The following SLC12A6 variants were observed in gnomAD, a reference collection of about 807,000 sequenced individuals.
SLC12A6 encodes the protein solute carrier family 12 member 6.
SLC12A6 carries 66 observed loss-of-function variants against 135.3 expected under a neutral mutation model. That is an observed-to-expected ratio of 0.49 (90% CI 0.40 to 0.60). SLC12A6 has a LOEUF of 0.60. SLC12A6 is among the 20% of genes least tolerant of loss of function. The pLI, the probability that SLC12A6 is intolerant of heterozygous loss-of-function variation, is 0.00. For missense variants in SLC12A6, 1,058 were observed against 1,452.3 expected (o/e 0.73, Z 4.41); for synonymous variants, 513 against 508.8 (o/e 1.01, Z -0.11).
In SLC12A6 at chr15:34,310,571, ATGTG is replaced by A. The variant is rs1244462361; in HGVS notation, c.271+25835_271+25838del. Among the ~76,000 whole-genome samples, 16 of 17,658 alleles carry A rather than the reference ATGTG, an allele frequency of 9.1e-4. 1 individual carries two copies. Among genetic ancestry groups the A allele is most frequent in the Admixed American group, 1.2e-3 (2 of 1,660 alleles). 11.6% of individuals were successfully genotyped at this position (17,658 alleles called of 152,430 possible). On this transcript the variant is annotated intron_variant, in intron 2 of 25. Transcript: ENST00000354181. ...ACTGTGTGTGTGTGTGTGTGTGTGTATGTGTGTGTGTGTGTGTGTGTCCCCGTGT... is the reference window on the plus strand; with the variant it reads ...ACTGTGTGTGTGTGTGTGTGTGTGTATGTGTGTGTGTGTGTGTCCCCGTGT...
intron 5 of SLC12A6, among the ~76,000 whole-genome samples, chr15:34,258,017 C>G (rs574525924): frequency 1.3e-4 from 20 of 152,236 alleles, no homozygotes; most frequent in African/African-American, 4.1e-4. Flanking sequence ...AAGGTTCCTG[C>G]ATGTGTTTAT....
intron 13 of SLC12A6, among the ~76,000 whole-genome samples, chr15:34,246,613 T>TA (rs1892008327): frequency 6.6e-6 from 1 of 152,144 alleles, no homozygotes; most frequent in Non-Finnish European, 1.5e-5. Context: ...TATGCACATA[T>TA]CTACATTCAC....
At position 34,258,855 on chromosome 15, in the gene SLC12A6, T is replaced by C. The variant is rs149158862; in HGVS notation, c.501A>G (p.Glu167=). The part of the protein sequence containing the change: ...TNLTQGAKEH[E]EAENITEGKK... ...TCCCTTCAGTGATGTTTTCTGCCTC[T>C]TCATGTTCCTTTGCTCCTTGAGTCA... Residue 167 remains glutamate, a synonymous_variant, in exon 5 of 26, where the codon GAA becomes GAG. Transcript: ENST00000354181. 5.0e-6 allele frequency: 8 copies of C among 1,613,490 alleles called. No individual in the cohort carries two copies. Among genetic ancestry groups the C allele is most frequent in the African/African-American group, 1.3e-5 (1 of 74,918 alleles).
intron 2 of SLC12A6, among the ~76,000 whole-genome samples, chr15:34,319,163 G>A (rs1290528977): frequency 2.9e-5 from 4 of 139,992 alleles, no homozygotes; most frequent in Non-Finnish European, 4.5e-5. Flanking sequence ...ACAGGGTCTC[G>A]CTCGCCCTGT....
chr15:34,306,241 T>C (rs537621090), intron 2 of SLC12A6, among the ~76,000 whole-genome samples: 1 of 152,272 alleles, frequency 6.6e-6, no homozygotes, highest in African/African-American at 2.4e-5. Flanking sequence ...GGCAAAGCAG[T>C]CTCTACCCCT....
At chr15:34,252,653 A>G (rs1019168358) in intron 9 of SLC12A6, among the ~76,000 whole-genome samples, 2 of 152,214 alleles carry the variant, frequency 1.3e-5, no homozygotes, top group African/African-American at 4.8e-5. Flanking sequence ...TTAGGAAGAC[A>G]GGGAGTTAAT....
intron 3 of SLC12A6, among the ~76,000 whole-genome samples, chr15:34,265,420 C>G (rs369465368): frequency 7.2e-6 from 1 of 138,702 alleles, no homozygotes; most frequent in African/African-American, 2.8e-5. Flanking sequence ...AAAAAACAAA[C>G]AAAAAAGACA....
rs369130947 is a variant in SLC12A6 at position 34,330,868 on chromosome 15, C to A, written c.271+5542G>T. On this transcript the variant is annotated intron_variant, in intron 2 of 25. Transcript: ENST00000354181. The stretch of plus-strand genomic sequence containing the variant: ...TCCATCCTGGCCAACATAGTGAAAC[C>A]CTATCTCCACTAAAAATACAAAAAT... Among the ~76,000 whole-genome samples, 9 of 151,780 alleles carry A rather than the reference C, an allele frequency of 5.9e-5. No homozygotes were observed. In the East Asian group the frequency reaches 1.7e-3, roughly 29 times the overall value.
intron 3 of SLC12A6, among the ~76,000 whole-genome samples, chr15:34,271,629 AG>A (rs1160447917): frequency 8.5e-4 from 129 of 151,926 alleles, no homozygotes; most frequent in African/African-American, 2.9e-3. Flanking sequence ...ACACACACAC[AG>A]AAAAGTTCAT....
At chr15:34,332,325 T>C (rs576148267) in intron 2 of SLC12A6, among the ~76,000 whole-genome samples, 3 of 152,258 alleles carry the variant, frequency 2.0e-5, no homozygotes, top group Admixed American at 1.3e-4. Flanking sequence ...AAATATTTGG[T>C]GAAGGAATAA....
chr15:34,293,166 G>A (rs181657611), intron 2 of SLC12A6, among the ~76,000 whole-genome samples: 16 of 150,824 alleles, frequency 1.1e-4, no homozygotes, highest in African/African-American at 3.6e-4. Context: ...CTTAAGATAC[G>A]TGTTTTTTAA....
chr15:34,234,787 C>T (rs908664077), intron 25 of SLC12A6, among the ~76,000 whole-genome samples: 2 of 152,198 alleles, frequency 1.3e-5, no homozygotes, highest in Admixed American at 6.5e-5. Context: ...GAATCCCTAT[C>T]TCTTTTTTCC....
At chr15:34,337,852 A>G (rs1198729680), upstream of SLC12A6, 1 of 152,076 alleles carries the variant, frequency 6.6e-6, no homozygotes, top group African/African-American at 2.4e-5. Context: ...CCGACGCCAG[A>G]GCAGCAGTTA....
At chr15:34,285,688 C>G (rs565443452) in intron 2 of SLC12A6, among the ~76,000 whole-genome samples, 1 of 17,536 alleles carries the variant, frequency 5.7e-5, no homozygotes, top group Non-Finnish European at 1.2e-4. Flanking sequence ...ACAAAATGTG[C>G]TATATGTGTG....
intron 2 of SLC12A6, among the ~76,000 whole-genome samples, chr15:34,288,432 GTTC>G (rs778997173): frequency 2.6e-5 from 4 of 152,208 alleles, no homozygotes; most frequent in African/African-American, 4.8e-5. Context: ...CTCCAGCTTT[GTTC>G]TTCTTGCACA....
chr15:34,275,659 C>A (rs1894251047), intron 2 of SLC12A6, among the ~76,000 whole-genome samples: 1 of 152,076 alleles, frequency 6.6e-6, no homozygotes, highest in Non-Finnish European at 1.5e-5. Context: ...AGATACTTTA[C>A]CACAAAGTTT....
chr15:34,261,024 G>GAAAA lies in SLC12A6; in HGVS notation c.317-8_317-5dup, dbSNP rs747243268. 1 of 1,302,988 alleles carries GAAAA rather than the reference G, an allele frequency of 7.7e-7. No homozygotes were observed. The highest frequency in any genetic ancestry group is 1.1e-6 in the Non-Finnish European group (1 of 938,386). 80.7% of individuals were successfully genotyped at this position (1,302,988 alleles called of 1,614,324 possible). On this transcript the variant is annotated splice_region_variant and splice_polypyrimidine_tract_variant and intron_variant, in intron 3 of 25. Transcript: ENST00000354181. ...CGAGCTTTCTTATGTCCGTCGTCTGGAAAAAAAAAAGTAGACCAAGTTAGT... is the reference window on the plus strand; with the variant it reads ...CGAGCTTTCTTATGTCCGTCGTCTGGAAAAAAAAAAAAAAGTAGACCAAGTTAGT...
Position 34,239,179 on chromosome 15 carries a change from C to G in SLC12A6, c.2437-19G>C. 2 of 1,564,488 alleles carry G rather than the reference C, an allele frequency of 1.3e-6. No homozygotes were observed. Among genetic ancestry groups the G allele is most frequent in the Non-Finnish European group, 1.8e-6 (2 of 1,135,020 alleles). Reference sequence around the variant, plus strand: ...TTATGGTCTGAAAGAGACACAGGACCGCAACACTGAACTGGTTCACTCTGG... The same window carrying G: ...TTATGGTCTGAAAGAGACACAGGACGGCAACACTGAACTGGTTCACTCTGG... On this transcript the variant is annotated intron_variant, in intron 19 of 25. Transcript: ENST00000354181.
chr15:34,265,687 G>A (rs1893462951), intron 3 of SLC12A6, among the ~76,000 whole-genome samples: 1 of 152,194 alleles, frequency 6.6e-6, no homozygotes, highest in African/African-American at 2.4e-5. Context: ...GTTTTGGGAA[G>A]AGATTTGCAT....
Sources: gnomAD v4.1 joint callset for allele counts (sites outside exome capture counted in the v4.1 genomes callset) on GRCh38, gnomAD v4.1.1 for gene constraint, MANE v1.5 for transcripts, NCBI Gene and HGNC (gene_info 2026-07-23, HGNC 2026-07-21) for gene names.